Variants in XIRP2 observed in about 807,000 individuals in gnomAD.
XIRP2 encodes the protein xin actin binding repeat containing 2, also known as xin actin-binding repeat-containing protein 2.
XIRP2 carries 236 observed loss-of-function variants against 277.0 expected under a neutral mutation model. The observed-to-expected ratio is 0.85, with a 90% CI of 0.77 to 0.95. The LOEUF is 0.95. XIRP2 is among the 40% of genes least tolerant of loss of function. The pLI is 0.00. For synonymous variants in XIRP2, 1,490 were observed against 1,416.5 expected, an observed-to-expected ratio of 1.05 and a Z score of -1.17; for missense variants, 4,640 against 4,157.5, an observed-to-expected ratio of 1.12 and a Z score of -3.19.
chr2:167,032,552 T>C, intron 2 of XIRP2, among the ~76,000 whole-genome samples: 1 of 152,156 alleles, frequency 6.6e-6, no homozygotes, highest in East Asian at 1.9e-4. Flanking sequence ...TGTATCCATC[T>C]GACAAAGGGC....
intron 3 of XIRP2, among the ~76,000 whole-genome samples, chr2:167,192,490 A>G (rs34186219): frequency 0.069 from 10,473 of 152,250 alleles, 446 homozygotes; most frequent in South Asian, 0.15. Context: ...CCTGGGAGAG[A>G]GTGAACTATG....
At chr2:167,087,948 G>A (rs1386031967) in intron 2 of XIRP2, among the ~76,000 whole-genome samples, 4 of 152,024 alleles carry the variant, frequency 2.6e-5, no homozygotes, top group African/African-American at 7.3e-5. Flanking sequence ...GTTCCTATTC[G>A]GCCATCTTGG....
At position 167,251,850 on chromosome 2, in the gene XIRP2, G is replaced by C. The variant is rs534437007; in HGVS notation, c.10458G>C (p.Glu3486Asp). The part of the protein sequence containing the change: ...VRKNFQKTWQ[E>D]SGRVFKGLGY... ...AAAATTTTCAAAAGACGTGGCAAGAGAGTGGAAGAGTTTTTAAAGGCCTGG... is the reference window on the plus strand; with the variant it reads ...AAAATTTTCAAAAGACGTGGCAAGACAGTGGAAGAGTTTTTAAAGGCCTGG... Residue 3486 changes from glutamate to aspartate, a missense_variant, in exon 9 of 11, where the codon GAG becomes GAC. Physicochemically the swap from Glu to Asp is conservative, Grantham distance 45. Coordinates refer to ENST00000409195, the MANE Select transcript of XIRP2 (RefSeq NM_152381.6). 12 of 1,612,592 alleles carry C rather than the reference G, an allele frequency of 7.4e-6. No individual in the cohort carries two copies. Among genetic ancestry groups the C allele is most frequent in the African/African-American group, 1.3e-5 (1 of 74,870 alleles).
rs1454991225 is a variant in XIRP2, at chr2:167,247,452, A to G, written c.6060A>G (p.Lys2020=). Residue 2020 remains lysine, a synonymous_variant, in exon 9 of 11, where the codon AAA becomes AAG. Coordinates refer to ENST00000409195, the MANE Select transcript of XIRP2 (RefSeq NM_152381.6). ...VEERTEVNLP[K]APKGTVKIVI... is the part of the protein sequence containing the mutation. ...AAAGAACTGAGGTTAATCTTCCAAA[A>G]GCCCCCAAAGGCACTGTAAAGATTG... 3 of 1,613,704 alleles carry G rather than the reference A, an allele frequency of 1.9e-6. No homozygotes were observed. In the East Asian group the frequency reaches 6.7e-5, roughly 36 times the overall value.
At chr2:167,208,074 A>C (rs1693911660) in intron 3 of XIRP2, among the ~76,000 whole-genome samples, 1 of 152,218 alleles carries the variant, frequency 6.6e-6, no homozygotes, top group Non-Finnish European at 1.5e-5. Context: ...ATTTGGGAGA[A>C]TTCACTGAAC....
chr2:167,180,411 A>C (rs1573937896), intron 3 of XIRP2, among the ~76,000 whole-genome samples: 1 of 152,102 alleles, frequency 6.6e-6, no homozygotes, highest in African/African-American at 2.4e-5. Context: ...GTTATGGAAA[A>C]ATTTCTCAAA....
At chr2:166,952,604 A>G (rs1686063133) in intron 2 of XIRP2, among the ~76,000 whole-genome samples, 1 of 152,054 alleles carries the variant, frequency 6.6e-6, no homozygotes, top group Admixed American at 6.6e-5. Flanking sequence ...ATAATCCCAC[A>G]CGAATCCTGA....
In XIRP2 at chr2:167,251,364, T is replaced by A; in HGVS notation, c.9972T>A (p.Asn3324Lys). ...ACCGAACTGTTCAAATGGCTGAAAA[T>A]TTCGTGAATGACCCTGAAAATGAAA... ...AANRTVQMAE[N>K]FVNDPENEIN... Residue 3324 changes from asparagine (N) to lysine (K), a missense_variant, in exon 9 of 11, where the codon AAT (asparagine) becomes AAA (lysine). Coordinates refer to ENST00000409195, the MANE Select transcript of XIRP2 (RefSeq NM_152381.6). 6.2e-7 allele frequency: 1 copy of A among 1,613,362 alleles called. No homozygotes were observed. Among genetic ancestry groups the A allele is most frequent in the Admixed American group, 1.7e-5 (1 of 59,936 alleles).
chr2:167,143,788 A>G (rs915213476), intron 3 of XIRP2, among the ~76,000 whole-genome samples: 1 of 152,136 alleles, frequency 6.6e-6, no homozygotes, highest in African/African-American at 2.4e-5. Context: ...ACCATCGTAA[A>G]AAAAAAACCA....
chr2:167,039,443 C>T (rs1688604876), intron 2 of XIRP2, among the ~76,000 whole-genome samples: 1 of 152,052 alleles, frequency 6.6e-6, no homozygotes, highest in African/African-American at 2.4e-5. Context: ...AAAACAAGAT[C>T]AAGGAAACAA....
At chr2:167,142,472 C>T (rs1474467001) in intron 3 of XIRP2, among the ~76,000 whole-genome samples, 3 of 151,818 alleles carry the variant, frequency 2.0e-5, no homozygotes, top group Admixed American at 6.6e-5. Flanking sequence ...GGCTTGAACC[C>T]GGGAGGTGGA....
At chr2:166,948,486 AC>A (rs1481809470) in intron 2 of XIRP2, among the ~76,000 whole-genome samples, 2 of 152,130 alleles carry the variant, frequency 1.3e-5, no homozygotes, top group Non-Finnish European at 2.9e-5. Context: ...TGGAGAAGAT[AC>A]GTCAAACCCA....
chr2:167,078,528 C>T (rs886681788), intron 2 of XIRP2, among the ~76,000 whole-genome samples: 1 of 152,070 alleles, frequency 6.6e-6, no homozygotes, highest in Admixed American at 6.5e-5. Flanking sequence ...AAAGTAATTG[C>T]GGTTTTTGCC....
At chr2:167,000,193 G>A (rs1687327251) in intron 2 of XIRP2, among the ~76,000 whole-genome samples, 1 of 152,116 alleles carries the variant, frequency 6.6e-6, no homozygotes, top group South Asian at 2.1e-4. Flanking sequence ...GAAATTGAAA[G>A]TATTCCTCTT....
At position 167,247,314 on chromosome 2, in the gene XIRP2, T is replaced by C. The variant is rs756270786; in HGVS notation, c.5922T>C (p.Asn1974=). ...IHQVAVQRNK[N]SLLQPKPGPF... is the part of the protein sequence containing the mutation. Reference sequence around the variant, plus strand: ...AGGTTGCTGTCCAGAGGAACAAAAATAGTCTTCTTCAGCCAAAGCCAGGTC... The same window carrying C: ...AGGTTGCTGTCCAGAGGAACAAAAACAGTCTTCTTCAGCCAAAGCCAGGTC... Residue 1974 remains asparagine, a synonymous_variant, in exon 9 of 11, where the codon AAT becomes AAC. Transcript: ENST00000409195. 5 of 1,613,618 alleles carry C rather than the reference T, an allele frequency of 3.1e-6. No homozygotes were observed. The highest frequency in any genetic ancestry group is 3.4e-6 in the Non-Finnish European group (4 of 1,179,810).
At chr2:167,185,322 G>A (rs1479593) in intron 3 of XIRP2, among the ~76,000 whole-genome samples, 15,021 of 151,862 alleles carry the variant, frequency 0.099, 795 homozygotes, top group South Asian at 0.16. Flanking sequence ...TTTTTTGTTG[G>A]TCTTAATGTA....
At chr2:167,083,713 A>T (rs1375723833) in intron 2 of XIRP2, among the ~76,000 whole-genome samples, 1 of 152,188 alleles carries the variant, frequency 6.6e-6, no homozygotes. Flanking sequence ...GCAATTGTGA[A>T]TGGCAGTTCA....
intron 2 of XIRP2, among the ~76,000 whole-genome samples, chr2:166,974,611 A>T (rs750936519): frequency 3.0e-4 from 45 of 152,164 alleles, no homozygotes; most frequent in African/African-American, 1.0e-3. Context: ...TAAATATTGC[A>T]AACAGTAGCA....
chr2:166,961,468 A>C (rs548046154), intron 2 of XIRP2, among the ~76,000 whole-genome samples: 1 of 151,940 alleles, frequency 6.6e-6, no homozygotes, highest in East Asian at 1.9e-4. Context: ...CAAATCTGAC[A>C]GCTGAATTAG....
Sources: gnomAD v4.1 joint callset for allele counts (sites outside exome capture counted in the v4.1 genomes callset) on GRCh38, gnomAD v4.1.1 for gene constraint, MANE v1.5 for transcripts, NCBI Gene and HGNC (gene_info 2026-07-23, HGNC 2026-07-21) for gene names.